The following ZMYND11 variants were observed in gnomAD, a reference collection of about 807,000 sequenced individuals.
The protein encoded by ZMYND11 is zinc finger MYND domain-containing protein 11.
A neutral mutation model predicts 84.9 loss-of-function variants in ZMYND11; 9 were observed. The observed-to-expected ratio is 0.11, with a 90% CI of 0.06 to 0.18. The LOEUF is 0.18. ZMYND11 is among the 10% of genes least tolerant of loss of function. ZMYND11 has a pLI of 1.00. For missense variants in ZMYND11, 409 were observed against 761.0 expected (o/e 0.54, Z 5.44); for synonymous variants, 250 against 244.1 (o/e 1.02, Z -0.23).
chr10:228,468 CA>C (rs2131543677), intron 4 of ZMYND11, among the ~76,000 whole-genome samples: 2 of 152,190 alleles, frequency 1.3e-5, no homozygotes, highest in Admixed American at 1.3e-4. Flanking sequence ...TCAGTGTTTC[CA>C]AAGTTCATGA....
chr10:187,236 C>G (rs777739447), intron 2 of ZMYND11, among the ~76,000 whole-genome samples: 2 of 151,856 alleles, frequency 1.3e-5, no homozygotes, highest in Non-Finnish European at 2.9e-5. Context: ...AAAACAAAAA[C>G]AAAACGAAAC....
chr10:164,227 T>C (rs1304656384), intron 1 of ZMYND11, among the ~76,000 whole-genome samples: 2 of 152,182 alleles, frequency 1.3e-5, no homozygotes, highest in African/African-American at 2.4e-5. Flanking sequence ...CCACTGTCCT[T>C]TCTGCTTCAA....
intron 3 of ZMYND11, among the ~76,000 whole-genome samples, chr10:213,926 T>A (rs893762390): frequency 6.6e-6 from 1 of 152,210 alleles, no homozygotes; most frequent in Non-Finnish European, 1.5e-5. Flanking sequence ...TTGAACAAGA[T>A]TACTTTTATG....
At chr10:240,162 T>C (rs1156909069) in intron 8 of ZMYND11, 51 bp downstream of exon 8, 1 of 1,381,502 alleles carries the variant, frequency 7.2e-7, no homozygotes, top group South Asian at 1.3e-5. Flanking sequence ...GAAATTAATT[T>C]ATTTCAGGAT....
intron 11 of ZMYND11, 144 bp from the exon 12 acceptor site, chr10:247,254 T>G (rs2131936369): frequency 1.0e-6 from 1 of 969,770 alleles, no homozygotes; most frequent in Non-Finnish European, 1.5e-6. Context: ...AACAGTAAAT[T>G]AAGTCAGTGG....
chr10:244,257 AG>A (rs1480486786), intron 10 of ZMYND11, among the ~76,000 whole-genome samples: 2 of 152,212 alleles, frequency 1.3e-5, no homozygotes, highest in Admixed American at 1.3e-4. Context: ...CTGGTTGATC[AG>A]GAGCCACTGG....
intron 4 of ZMYND11, among the ~76,000 whole-genome samples, chr10:227,061 T>G (rs1948263479): frequency 6.6e-6 from 1 of 152,198 alleles, no homozygotes; most frequent in Non-Finnish European, 1.5e-5. Flanking sequence ...TCAGCCCACT[T>G]AACAAGATGT....
At chr10:176,621 G>A (rs782546829) in intron 1 of ZMYND11, among the ~76,000 whole-genome samples, 6 of 152,048 alleles carry the variant, frequency 3.9e-5, no homozygotes, top group Non-Finnish European at 7.4e-5. Context: ...TTCTTTTGAG[G>A]AATTTTGTAC....
intron 1 of ZMYND11, among the ~76,000 whole-genome samples, chr10:140,214 G>A (rs1554753648): frequency 6.6e-6 from 1 of 152,148 alleles, no homozygotes; most frequent in Non-Finnish European, 1.5e-5. Context: ...GGGATAAGAG[G>A]TCAATGATAG....
intron 1 of ZMYND11, among the ~76,000 whole-genome samples, chr10:159,720 G>A (rs141800705): frequency 6.6e-6 from 1 of 152,116 alleles, no homozygotes; most frequent in African/African-American, 2.4e-5. Context: ...TTTGTTTACC[G>A]TGTATTTGGG....
At position 252,502 on chromosome 10, in the gene ZMYND11, T is replaced by TA; in HGVS notation, c.*33dup. 1 of 1,593,976 alleles carries TA rather than the reference T, an allele frequency of 6.3e-7. No homozygotes were observed. Among genetic ancestry groups the TA allele is most frequent in the African/African-American group, 1.3e-5 (1 of 74,630 alleles). On this transcript the variant is annotated 3_prime_UTR_variant, in exon 15 of 15. Coordinates refer to ENST00000381604, the MANE Select transcript of ZMYND11 (RefSeq NM_001370100.5). This position sits in a 1 kb window ranked among gnomAD's most constrained non-coding sequence, Gnocchi z 4.6. ...CCCTTCCCGGAGTCACCCCGATGAT[T>TA]ACTCTTTTCAGACACAGCGGTTTTT...
At chr10:251,599 T>C (rs1953512172) in intron 14 of ZMYND11, among the ~76,000 whole-genome samples, 1 of 152,214 alleles carries the variant, frequency 6.6e-6, no homozygotes. Context: ...TCATCTTCCT[T>C]GCCTCACTGT....
chr10:183,169 G>A (rs1205593567), intron 2 of ZMYND11, among the ~76,000 whole-genome samples: 2 of 150,798 alleles, frequency 1.3e-5, no homozygotes, highest in African/African-American at 4.9e-5. Flanking sequence ...TAATGGTTTA[G>A]TTGTGCTTGC....
upstream of ZMYND11, among the ~76,000 whole-genome samples, chr10:131,180 A>G (rs1835305088): frequency 6.6e-6 from 1 of 152,202 alleles, no homozygotes; most frequent in African/African-American, 2.4e-5. Context: ...GAAGGAAAGA[A>G]GGCACACACA....
intron 1 of ZMYND11, among the ~76,000 whole-genome samples, chr10:142,052 T>C (rs1484295871): frequency 1.3e-5 from 2 of 152,354 alleles, no homozygotes; most frequent in African/African-American, 4.8e-5. Flanking sequence ...GTAAGCAGTT[T>C]TTAGGAAGCT....
At chr10:133,078 G>A (rs1018903344), upstream of ZMYND11, among the ~76,000 whole-genome samples, 1 of 152,176 alleles carries the variant, frequency 6.6e-6, no homozygotes, top group Non-Finnish European at 1.5e-5. Flanking sequence ...GGGCAAATGA[G>A]ATAAATCAAA....
At chr10:214,052 G>C (rs922023934) in intron 3 of ZMYND11, among the ~76,000 whole-genome samples, 2 of 152,120 alleles carry the variant, frequency 1.3e-5, no homozygotes, top group African/African-American at 4.8e-5. Flanking sequence ...GCATGGTGCT[G>C]AGATTCCTTC....
rs138561174 is a variant in ZMYND11, at chr10:140,218, A to G, written c.-20+4659A>G. Among the ~76,000 whole-genome samples the G allele has an allele frequency of 1.9e-3, 286 of 152,342 alleles. 1 individual carries two copies. Among genetic ancestry groups the G allele is most frequent in the Non-Finnish European group, 3.4e-3 (230 of 68,036 alleles). On this transcript the variant is annotated intron_variant, in intron 1 of 14. Coordinates refer to ENST00000381604, the MANE Select transcript of ZMYND11 (RefSeq NM_001370100.5). Reference sequence around the variant, plus strand: ...TGAGAGTCTCTGGGATAAGAGGTCAATGATAGAAATGAAGATAATGTGAGG... The same window carrying G: ...TGAGAGTCTCTGGGATAAGAGGTCAGTGATAGAAATGAAGATAATGTGAGG...
chr10:165,885 AT>A (rs2131563458), intron 1 of ZMYND11, among the ~76,000 whole-genome samples: 1 of 152,250 alleles, frequency 6.6e-6, no homozygotes, highest in South Asian at 2.1e-4. Flanking sequence ...TAATATAGAT[AT>A]GTAGTCTAGT....
Sources: allele counts gnomAD v4.1 joint callset (sites outside exome capture counted in the v4.1 genomes callset), GRCh38; gene constraint gnomAD v4.1.1; non-coding constraint Gnocchi (gnomAD v3.1); transcripts MANE v1.5; gene names NCBI Gene and HGNC (gene_info 2026-07-23, HGNC 2026-07-21).